HNF4G: variants seen among roughly 807,000 people sequenced by gnomAD.
HNF4G encodes the protein hepatocyte nuclear factor 4-gamma.
A neutral mutation model predicts 50.9 loss-of-function variants in HNF4G; 21 were observed. The observed-to-expected ratio is 0.41, with a 90% CI of 0.29 to 0.59. HNF4G has a LOEUF of 0.59. Among genes scored for constraint, HNF4G ranks in the 20% least tolerant of loss-of-function variants. HNF4G has a pLI of 0.26. For synonymous variants in HNF4G, 198 were observed against 185.6 expected (o/e 1.07, Z -0.54); for missense variants, 527 against 559.4 (o/e 0.94, Z 0.58).
At chr8:75,509,522 A>T (rs1805694091) in intron 2 of HNF4G, among the ~76,000 whole-genome samples, 1 of 152,212 alleles carries the variant, frequency 6.6e-6, no homozygotes. Context: ...TTCATTTGGA[A>T]ATCGTAGCAA....
intron 1 of HNF4G, among the ~76,000 whole-genome samples, chr8:75,432,293 A>AT (rs1223754146): frequency 1.5e-5 from 2 of 129,402 alleles, no homozygotes; most frequent in Non-Finnish European, 3.0e-5. Flanking sequence ...TATCAAAATA[A>AT]AAAAAAAAAG....
At chr8:75,412,784 T>C (rs1810532321) in intron 1 of HNF4G, among the ~76,000 whole-genome samples, 2 of 152,086 alleles carry the variant, frequency 1.3e-5, no homozygotes, top group Admixed American at 1.3e-4. Context: ...AGTTAATATA[T>C]ATTATTTTAG....
chr8:75,463,423 A>G (rs547502704), intron 1 of HNF4G, among the ~76,000 whole-genome samples: 1 of 152,230 alleles, frequency 6.6e-6, no homozygotes, highest in South Asian at 2.1e-4. Flanking sequence ...TCTTGATCAC[A>G]TGCTTGTCAA....
intron 1 of HNF4G, among the ~76,000 whole-genome samples, chr8:75,466,204 A>C (rs955880150): frequency 4.6e-5 from 7 of 152,094 alleles, no homozygotes; most frequent in Admixed American, 6.6e-5. Flanking sequence ...TTATACTCAT[A>C]CCAAAATTTT....
intron 1 of HNF4G, chr8:75,485,946 A>G (rs191039402): frequency 5.4e-4 from 83 of 152,300 alleles, no homozygotes; most frequent in African/African-American, 1.9e-3. Flanking sequence ...GTTAAGTCAT[A>G]CTGCCGACAC....
At chr8:75,506,149 A>T (rs1422450212) in intron 2 of HNF4G, among the ~76,000 whole-genome samples, 1 of 152,022 alleles carries the variant, frequency 6.6e-6, no homozygotes, top group African/African-American at 2.4e-5. Flanking sequence ...TCTTCATACC[A>T]ATCTTCTGGT....
intron 1 of HNF4G, among the ~76,000 whole-genome samples, chr8:75,543,177 A>C (rs1222199773): frequency 6.6e-6 from 1 of 152,206 alleles, no homozygotes; most frequent in African/African-American, 2.4e-5. Context: ...ACTACTCTCT[A>C]GCCTGAGCAA....
intron 1 of HNF4G, among the ~76,000 whole-genome samples, chr8:75,541,107 G>A (rs1806608903): frequency 1.3e-5 from 2 of 151,972 alleles, no homozygotes; most frequent in East Asian, 1.9e-4. Context: ...GTGTCCTTAT[G>A]TTTAGACTTG....
Position 75,553,060 on chromosome 8 carries a change from G to C in HNF4G, c.508G>C (p.Gly170Arg). The change falls in exon 5 of 10, where the codon GGG (glycine) becomes CGG (arginine). Residue 170 changes from glycine (G) to arginine (R), a missense_variant. Gly to Arg is a moderately radical substitution (Grantham distance 125). Transcript: ENST00000396423. ...ATACTAGATCTCAGTCTCAAGCCCTGGGTCAAGCACTGACATAAACGTTAA... is the reference window on the plus strand; with the variant it reads ...ATACTAGATCTCAGTCTCAAGCCCTCGGTCAAGCACTGACATAAACGTTAA... ...RSRQISVSSP[G>R]SSTDINVKKI... 1 of 1,610,660 alleles carries C rather than the reference G, an allele frequency of 6.2e-7. No homozygotes were observed. Among genetic ancestry groups the C allele is most frequent in the Middle Eastern group, 1.7e-4 (1 of 6,036 alleles).
At chr8:75,548,736 T>C (rs977851619) in intron 3 of HNF4G, among the ~76,000 whole-genome samples, 15 of 152,338 alleles carry the variant, frequency 9.8e-5, no homozygotes, top group African/African-American at 3.6e-4. Flanking sequence ...TCACAACTAT[T>C]TCACAAACTA....
At chr8:75,463,591 C>A (rs1811901464) in intron 1 of HNF4G, among the ~76,000 whole-genome samples, 1 of 151,686 alleles carries the variant, frequency 6.6e-6, no homozygotes, top group Non-Finnish European at 1.5e-5. Context: ...TATGGGTAAG[C>A]ATTCATTTTT....
At chr8:75,442,220 T>G (rs1434764761) in intron 1 of HNF4G, among the ~76,000 whole-genome samples, 2 of 152,118 alleles carry the variant, frequency 1.3e-5, no homozygotes, top group African/African-American at 4.8e-5. Context: ...TTAATCAAGT[T>G]AAGGTACCCA....
chr8:75,468,950 TAG>T (rs2130627160), intron 1 of HNF4G, among the ~76,000 whole-genome samples: 1 of 152,220 alleles, frequency 6.6e-6, no homozygotes, highest in Non-Finnish European at 1.5e-5. Context: ...AAAGCTGCAT[TAG>T]TTAGCTATTG....
intron 1 of HNF4G, among the ~76,000 whole-genome samples, chr8:75,488,528 T>C (rs1812547423): frequency 6.6e-6 from 1 of 152,118 alleles, no homozygotes; most frequent in Non-Finnish European, 1.5e-5. Context: ...TCTGCCCACC[T>C]CAGCTTCCCA....
chr8:75,453,897 A>G (rs1474108722), intron 1 of HNF4G, among the ~76,000 whole-genome samples: 1 of 152,068 alleles, frequency 6.6e-6, no homozygotes, highest in Non-Finnish European at 1.5e-5. Context: ...ATCCTTCCCA[A>G]ATTTATATGT....
At chr8:75,518,375 T>C (rs571159911) in intron 2 of HNF4G, among the ~76,000 whole-genome samples, 1 of 152,034 alleles carries the variant, frequency 6.6e-6, no homozygotes, top group Non-Finnish European at 1.5e-5. Flanking sequence ...ACTTTTACAC[T>C]GTTGGTGGGA....
chr8:75,515,591 T>G (rs1305767958), intron 2 of HNF4G, among the ~76,000 whole-genome samples: 1 of 152,056 alleles, frequency 6.6e-6, no homozygotes, highest in African/African-American at 2.4e-5. Flanking sequence ...AGGACAGTGG[T>G]GTAAGGTCTG....
intron 2 of HNF4G, among the ~76,000 whole-genome samples, chr8:75,491,557 C>T (rs1472587556): frequency 1.3e-5 from 2 of 151,924 alleles, no homozygotes; most frequent in Non-Finnish European, 2.9e-5. Context: ...TCACTGCAAC[C>T]TCTGCCTCCT....
At chr8:75,480,206 G>A (rs1040907496) in intron 1 of HNF4G, among the ~76,000 whole-genome samples, 1 of 152,142 alleles carries the variant, frequency 6.6e-6, no homozygotes, top group South Asian at 2.1e-4. Flanking sequence ...TAACTGGAAA[G>A]TACATAATAT....
Sources: allele counts gnomAD v4.1 joint callset (sites outside exome capture counted in the v4.1 genomes callset), GRCh38; gene constraint gnomAD v4.1.1; transcripts MANE v1.5; gene names NCBI Gene and HGNC (gene_info 2026-07-23, HGNC 2026-07-21).